The following LOC128125818 variants were observed in gnomAD, a reference collection of about 807,000 sequenced individuals.
chr4:6,066,998 T>C, the LOC128125818 span, among the ~76,000 whole-genome samples: 1 of 152,194 alleles, frequency 6.6e-6, no homozygotes, highest in Non-Finnish European at 1.5e-5. Flanking sequence ...CTTAGGTCTC[T>C]GCACAAATGC....
the LOC128125818 span, among the ~76,000 whole-genome samples, chr4:6,069,161 G>A: frequency 4.6e-5 from 7 of 152,106 alleles, no homozygotes; most frequent in Middle Eastern, 3.2e-3. The surrounding 1 kb of genome is among the most constrained non-coding windows in gnomAD (Gnocchi z 4.5). Context: ...TGCTTCTCAA[G>A]AGATGAGGGG....
the LOC128125818 span, among the ~76,000 whole-genome samples, chr4:6,068,604 C>T: frequency 3.4e-5 from 5 of 145,806 alleles, no homozygotes; most frequent in South Asian, 4.3e-4. Context: ...GTCGCCCAGG[C>T]TGGAGAGCAG....
the LOC128125818 span, among the ~76,000 whole-genome samples, chr4:6,068,762 G>T: frequency 6.6e-6 from 1 of 151,922 alleles, no homozygotes; most frequent in East Asian, 1.9e-4. Context: ...TAGTGACAAG[G>T]TTTCACCATG....
the LOC128125818 span, among the ~76,000 whole-genome samples, chr4:6,066,564 C>T: frequency 2.0e-5 from 3 of 152,206 alleles, no homozygotes; most frequent in East Asian, 1.9e-4. Flanking sequence ...CCCCCAACAC[C>T]GCACCTCCCG....
the LOC128125818 span, among the ~76,000 whole-genome samples, chr4:6,068,801 C>T: frequency 1.3e-5 from 2 of 152,054 alleles, no homozygotes; most frequent in South Asian, 4.1e-4. Context: ...AACTCTTGAC[C>T]TCAAGTGATC....
the LOC128125818 span, among the ~76,000 whole-genome samples, chr4:6,065,984 T>C: frequency 6.6e-6 from 1 of 152,176 alleles, no homozygotes; most frequent in South Asian, 2.1e-4. The surrounding 1 kb of genome is among the most constrained non-coding windows in gnomAD (Gnocchi z 5.1). Context: ...TTTAGGAACA[T>C]AGCTTTTTTG....
chr4:6,065,140 G>T, the LOC128125818 span: 2 of 1,127,462 alleles, frequency 1.8e-6, no homozygotes, highest in Non-Finnish European at 2.6e-6. This position sits in a 1 kb window ranked among gnomAD's most constrained non-coding sequence, Gnocchi z 5.1. Context: ...ACAAGATGCG[G>T]TTGGTGGGCT....
the LOC128125818 span, among the ~76,000 whole-genome samples, chr4:6,066,879 C>T: frequency 6.6e-6 from 1 of 152,188 alleles, no homozygotes; most frequent in Non-Finnish European, 1.5e-5. Context: ...ATCATCCCTC[C>T]CTCTCCTCCT....
chr4:6,069,470 C>T, the LOC128125818 span, among the ~76,000 whole-genome samples: 6 of 152,240 alleles, frequency 3.9e-5, no homozygotes, highest in South Asian at 1.0e-3. This position sits in a 1 kb window ranked among gnomAD's most constrained non-coding sequence, Gnocchi z 4.5. Context: ...CAGTTTTGGC[C>T]GGGCACAGTG....
chr4:6,068,326 T>C, the LOC128125818 span, among the ~76,000 whole-genome samples: 1 of 152,132 alleles, frequency 6.6e-6, no homozygotes, highest in Admixed American at 6.5e-5. Flanking sequence ...CAGTATCATA[T>C]CATATGGCCC....
chr4:6,069,179 C>T, the LOC128125818 span, among the ~76,000 whole-genome samples: 2 of 152,090 alleles, frequency 1.3e-5, no homozygotes, highest in Non-Finnish European at 2.9e-5. This position sits in a 1 kb window ranked among gnomAD's most constrained non-coding sequence, Gnocchi z 4.5. Flanking sequence ...GGGAGAACCG[C>T]CCAGAAAACA....
At chr4:6,068,080 A>G in the LOC128125818 span, among the ~76,000 whole-genome samples, 5 of 152,234 alleles carry the variant, frequency 3.3e-5, no homozygotes, top group Admixed American at 3.3e-4. Flanking sequence ...TCAATGCTCA[A>G]TTACCTAGGA....
chr4:6,067,443 C>A, the LOC128125818 span, among the ~76,000 whole-genome samples: 2 of 152,188 alleles, frequency 1.3e-5, no homozygotes, highest in Non-Finnish European at 2.9e-5. The surrounding 1 kb of genome is among the most constrained non-coding windows in gnomAD (Gnocchi z 4.6). Flanking sequence ...TGGAGACAAT[C>A]ATCTACTCAA....
the LOC128125818 span, among the ~76,000 whole-genome samples, chr4:6,065,637 G>A: frequency 5.9e-5 from 9 of 152,170 alleles, no homozygotes; most frequent in African/African-American, 2.2e-4. The surrounding 1 kb of genome is among the most constrained non-coding windows in gnomAD (Gnocchi z 5.1). Context: ...ATAGAAAACT[G>A]GGAAGATTCA....
the LOC128125818 span, among the ~76,000 whole-genome samples, chr4:6,068,802 T>A: frequency 1.1e-4 from 16 of 152,306 alleles, 1 homozygote; most frequent in African/African-American, 3.6e-4. Flanking sequence ...ACTCTTGACC[T>A]CAAGTGATCC....
the LOC128125818 span, among the ~76,000 whole-genome samples, chr4:6,068,450 G>C: frequency 6.6e-6 from 1 of 152,140 alleles, no homozygotes; most frequent in Non-Finnish European, 1.5e-5. Flanking sequence ...GCAATGCAGA[G>C]GAATCCACAG....
At chr4:6,065,575 C>T in the LOC128125818 span, among the ~76,000 whole-genome samples, 168 of 152,314 alleles carry the variant, frequency 1.1e-3, 2 homozygotes, top group African/African-American at 3.8e-3. This position sits in a 1 kb window ranked among gnomAD's most constrained non-coding sequence, Gnocchi z 5.1. Flanking sequence ...ATGTGTGGCC[C>T]AAGTCCTGGC....
the LOC128125818 span, among the ~76,000 whole-genome samples, chr4:6,066,016 C>T: frequency 9.2e-5 from 14 of 152,194 alleles, no homozygotes; most frequent in South Asian, 1.9e-3. Flanking sequence ...CCCAAACAGC[C>T]CCCGACAAGG....
the LOC128125818 span, among the ~76,000 whole-genome samples, chr4:6,066,407 C>T: frequency 1.3e-5 from 2 of 152,154 alleles, no homozygotes; most frequent in Non-Finnish European, 2.9e-5. Context: ...GCATTTGGCA[C>T]CTGTCTTTCT....
Sources: allele counts gnomAD v4.1 joint callset (sites outside exome capture counted in the v4.1 genomes callset), GRCh38; gene constraint gnomAD v4.1.1; non-coding constraint Gnocchi (gnomAD v3.1); transcripts MANE v1.5.